Variants in NLGN1 observed in about 807,000 individuals in gnomAD.
The protein encoded by NLGN1 is neuroligin 1.
In NLGN1, 12 loss-of-function variants were observed where a neutral mutation model predicts 65.5. The observed-to-expected ratio is 0.18, with a 90% CI of 0.12 to 0.30. The LOEUF (loss-of-function observed/expected upper bound fraction) is 0.30, where lower values mean the gene tolerates loss of function less well. Ranked by LOEUF, NLGN1 falls within the 10% of genes least tolerant of loss-of-function variation. The pLI, the probability that NLGN1 is intolerant of heterozygous loss-of-function variation, is 1.00. For synonymous variants in NLGN1, 350 were observed against 359.5 expected (o/e 0.97, Z 0.30); for missense variants, 750 against 1,007.1 (o/e 0.74, Z 3.46).
At position 173,818,782 on chromosome 3, in the gene NLGN1, AC is replaced by A. The variant is rs1376505595; in HGVS notation, c.646+10951del. On this transcript the variant is annotated intron_variant, in intron 4 of 6. Transcript: ENST00000457714. The stretch of plus-strand genomic sequence containing the variant: ...AATTAGCTGCATTACTGACTTTTTA[AC>A]AACAAAGATATGGGTCTTTTCTTCA... Among the ~76,000 whole-genome samples, 5 of 152,080 alleles carry A rather than the reference AC, an allele frequency of 3.3e-5. No individual in the cohort carries two copies. In the East Asian group the frequency reaches 9.6e-4, roughly 29 times the overall value.
At chr3:173,451,888 G>A (rs890363648) in intron 2 of NLGN1, among the ~76,000 whole-genome samples, 16 of 152,194 alleles carry the variant, frequency 1.1e-4, no homozygotes, top group Non-Finnish European at 2.2e-4. Context: ...CTGGTGTGCC[G>A]TTTGTTAAGC....
At chr3:173,913,754 C>T (rs933601230) in intron 4 of NLGN1, among the ~76,000 whole-genome samples, 1 of 152,182 alleles carries the variant, frequency 6.6e-6, no homozygotes, top group Non-Finnish European at 1.5e-5. Context: ...CTCTTCTTAC[C>T]TCAACTGCTC....
intron 4 of NLGN1, among the ~76,000 whole-genome samples, chr3:173,862,643 G>T (rs1400217202): frequency 2.0e-5 from 3 of 151,674 alleles, no homozygotes; most frequent in African/African-American, 7.3e-5. Flanking sequence ...ATCCAGAAAG[G>T]GAAACACCAA....
intron 2 of NLGN1, among the ~76,000 whole-genome samples, chr3:173,545,044 G>C (rs1440282680): frequency 6.7e-6 from 1 of 150,044 alleles, no homozygotes; most frequent in African/African-American, 2.5e-5. Context: ...AGTTTTGTGT[G>C]TGTGTGTGTG....
intron 2 of NLGN1, among the ~76,000 whole-genome samples, chr3:173,573,789 C>T (rs1477547448): frequency 6.6e-6 from 1 of 151,256 alleles, no homozygotes; most frequent in African/African-American, 2.4e-5. Context: ...AAAGGCCGGG[C>T]GCGGTGGCTC....
At chr3:173,926,830 C>A (rs1743089510) in intron 4 of NLGN1, among the ~76,000 whole-genome samples, 1 of 152,084 alleles carries the variant, frequency 6.6e-6, no homozygotes. Flanking sequence ...CTTAACCCAC[C>A]CATTGTTAAC....
chr3:173,533,102 C>T lies in NLGN1; in HGVS notation c.-320-71177C>T, dbSNP rs143325333. On this transcript the variant is annotated intron_variant, in intron 2 of 6. Coordinates refer to ENST00000457714, the Ensembl canonical transcript of NLGN1. ...TTTGGCAATCATACCATTATTTATT[C>T]TAGCATAATGGTAATTATTAGATTT... Among the ~76,000 whole-genome samples, 236 of 152,282 alleles carry T rather than the reference C, an allele frequency of 1.5e-3. 1 individual carries two copies. The Middle Eastern group carries it at 0.02, about 13-fold the overall frequency.
intron 3 of NLGN1, among the ~76,000 whole-genome samples, chr3:173,801,218 A>G (rs539746760): frequency 4.7e-4 from 71 of 152,160 alleles, no homozygotes; most frequent in African/African-American, 1.5e-3. Context: ...CTGTAAACCT[A>G]TGAACTCACT....
At chr3:174,114,862 G>A (rs1716041257) in intron 4 of NLGN1, among the ~76,000 whole-genome samples, 1 of 152,068 alleles carries the variant, frequency 6.6e-6, no homozygotes, top group Middle Eastern at 3.2e-3. Flanking sequence ...AGGAATCTCT[G>A]ACTTTCCAAA....
At chr3:174,111,638 A>T (rs188737869) in intron 4 of NLGN1, among the ~76,000 whole-genome samples, 19 of 152,014 alleles carry the variant, frequency 1.2e-4, no homozygotes, top group African/African-American at 4.6e-4. Flanking sequence ...ATAAAACCCT[A>T]AAAAAAGGAA....
chr3:173,566,123 A>G (rs1043228385), intron 2 of NLGN1, among the ~76,000 whole-genome samples: 4 of 152,212 alleles, frequency 2.6e-5, no homozygotes, highest in Non-Finnish European at 4.4e-5. Flanking sequence ...TTTATACAGC[A>G]GTACGTTATT....
intron 2 of NLGN1, among the ~76,000 whole-genome samples, chr3:173,441,337 A>G (rs1329435594): frequency 6.6e-6 from 1 of 152,130 alleles, no homozygotes; most frequent in African/African-American, 2.4e-5. Context: ...TGCATTTACA[A>G]CTTAGCTAAC....
intron 4 of NLGN1, among the ~76,000 whole-genome samples, chr3:173,848,108 G>A (rs765771918): frequency 6.6e-5 from 10 of 151,624 alleles, no homozygotes; most frequent in Non-Finnish European, 1.0e-4. Flanking sequence ...CTAGCTGTGA[G>A]ACTTGGAGCA....
chr3:173,812,976 T>C (rs1467469279), intron 4 of NLGN1, among the ~76,000 whole-genome samples: 1 of 150,998 alleles, frequency 6.6e-6, no homozygotes. Context: ...GATATTCTAC[T>C]TTATATTTAT....
At chr3:173,930,096 A>G (rs1181738305) in intron 4 of NLGN1, among the ~76,000 whole-genome samples, 2 of 152,332 alleles carry the variant, frequency 1.3e-5, no homozygotes, top group East Asian at 1.9e-4. Flanking sequence ...AGTAGGTGCT[A>G]GTCACGGTGA....
At chr3:173,433,917 A>G (rs1717637751) in intron 1 of NLGN1, among the ~76,000 whole-genome samples, 1 of 152,208 alleles carries the variant, frequency 6.6e-6, no homozygotes, top group Non-Finnish European at 1.5e-5. Flanking sequence ...ATTAATTAGC[A>G]TTAAGATTTG....
At chr3:173,578,022 G>A (rs1348890178) in intron 2 of NLGN1, among the ~76,000 whole-genome samples, 28 of 152,064 alleles carry the variant, frequency 1.8e-4, no homozygotes, top group Admixed American at 1.8e-3. Context: ...GGATCACGAG[G>A]TCAGGAGATC....
intron 4 of NLGN1, among the ~76,000 whole-genome samples, chr3:173,906,091 A>T (rs1202931297): frequency 6.6e-6 from 1 of 152,230 alleles, no homozygotes; most frequent in Non-Finnish European, 1.5e-5. Flanking sequence ...ACCACTATTT[A>T]TTCACTGTAG....
At chr3:173,677,443 T>C (rs1277524690) in intron 3 of NLGN1, among the ~76,000 whole-genome samples, 1 of 152,086 alleles carries the variant, frequency 6.6e-6, no homozygotes, top group Non-Finnish European at 1.5e-5. Context: ...TTTACTTTAA[T>C]TTTTAATAAA....
Sources: allele counts gnomAD v4.1 joint callset (sites outside exome capture counted in the v4.1 genomes callset), GRCh38; gene constraint gnomAD v4.1.1; transcripts MANE v1.5; gene names NCBI Gene and HGNC (gene_info 2026-07-23, HGNC 2026-07-21).